GABRG3: variants seen among roughly 807,000 people sequenced by gnomAD.
GABRG3 encodes the protein gamma-aminobutyric acid receptor subunit gamma-3.
A neutral mutation model predicts 48.8 loss-of-function variants in GABRG3; 25 were observed. The ratio of observed to expected loss-of-function variants is 0.51; its 90% CI spans 0.37 to 0.72. GABRG3 has a LOEUF of 0.72. Ranked by LOEUF, GABRG3 falls within the 30% of genes least tolerant of loss-of-function variation. The pLI is 0.00. For synonymous variants in GABRG3, 227 were observed against 217.6 expected, an observed-to-expected ratio of 1.04 and a Z score of -0.38; for missense variants, 394 against 577.9, an observed-to-expected ratio of 0.68 and a Z score of 3.26.
At chr15:27,444,241 A>AT (rs1048629181) in intron 5 of GABRG3, among the ~76,000 whole-genome samples, 20 of 152,096 alleles carry the variant, frequency 1.3e-4, no homozygotes, top group Admixed American at 4.6e-4. Flanking sequence ...CTATGTAGTG[A>AT]TTTTTTTGTC....
intron 3 of GABRG3, among the ~76,000 whole-genome samples, chr15:27,096,370 T>G (rs1897265728): frequency 6.6e-6 from 1 of 152,220 alleles, no homozygotes; most frequent in South Asian, 2.1e-4. Context: ...TCATTGTTCC[T>G]CTGTTGTATT....
Position 27,447,564 on chromosome 15 carries a change from TGA to T in GABRG3, c.575-33081_575-33080del, listed in dbSNP as rs1430782661. ...TGAACTAGGCCAGAGATGACAGGGC[TGA>T]GAGATGGGGACAGATTTGACACAGA... is the stretch of plus-strand genomic sequence containing the variant. On this transcript the variant is annotated intron_variant, in intron 5 of 9. Coordinates refer to ENST00000615808, the MANE Select transcript of GABRG3 (RefSeq NM_033223.5). The surrounding 1 kb of genome is among the most constrained non-coding windows in gnomAD (Gnocchi z 4.0). Among the ~76,000 whole-genome samples the T allele has an allele frequency of 6.6e-6, 1 of 152,086 alleles. No individual in the cohort carries two copies. The highest frequency in any genetic ancestry group is 1.5e-5 in the Non-Finnish European group (1 of 68,018).
At chr15:27,129,087 T>C (rs77505855) in intron 3 of GABRG3, among the ~76,000 whole-genome samples, 1,621 of 152,304 alleles carry the variant, frequency 0.011, 28 homozygotes, top group African/African-American at 0.037. Flanking sequence ...AAATGTATCA[T>C]TTTGAGGGTA....
intron 5 of GABRG3, among the ~76,000 whole-genome samples, chr15:27,440,022 C>A (rs1888736196): frequency 6.6e-6 from 1 of 152,162 alleles, no homozygotes; most frequent in Admixed American, 6.5e-5. Context: ...CACTTTGTGA[C>A]TGAAGTGTCT....
chr15:27,520,125 G>A lies in GABRG3; in HGVS notation c.865+1G>A. On this transcript the variant is annotated splice_donor_variant, in intron 7 of 9. Transcript: ENST00000615808. LOFTEE classifies it high-confidence loss of function. ...GCTACGCCAGCAAGAACAGCATTAG[G>A]TGAGTTTCAAAAAATCTCTTCCACA... 6.3e-7 allele frequency: 1 copy of A among 1,590,434 alleles called. No individual in the cohort carries two copies. Among genetic ancestry groups the A allele is most frequent in the Non-Finnish European group, 8.5e-7 (1 of 1,170,840 alleles).
intron 3 of GABRG3, among the ~76,000 whole-genome samples, chr15:27,175,746 GC>G (rs2140413645): frequency 6.6e-6 from 1 of 152,312 alleles, no homozygotes; most frequent in East Asian, 1.9e-4. Context: ...GCAGATGCCT[GC>G]ATTCTTTTCC....
chr15:27,265,527 A>G (rs7495517), intron 3 of GABRG3, among the ~76,000 whole-genome samples: 74,312 of 152,110 alleles, frequency 0.49, 19,891 homozygotes, highest in Non-Finnish European at 0.61. Flanking sequence ...GGTGGAAGAC[A>G]ACCCAGGTTC....
chr15:27,330,086 A>G (rs1359308245), intron 5 of GABRG3, among the ~76,000 whole-genome samples: 1 of 152,060 alleles, frequency 6.6e-6, no homozygotes, highest in African/African-American at 2.4e-5. Flanking sequence ...CTAAAAATAC[A>G]AAAAATTAGC....
rs148937759 is a variant in GABRG3, at chr15:27,078,353, G to A, written c.270+51532G>A. Among the ~76,000 whole-genome samples, 16 of 152,260 alleles carry A rather than the reference G, an allele frequency of 1.1e-4. No individual in the cohort carries two copies. The East Asian group carries it at 1.7e-3, about 17-fold the overall frequency. On this transcript the variant is annotated intron_variant, in intron 3 of 9. Coordinates refer to ENST00000615808, the MANE Select transcript of GABRG3 (RefSeq NM_033223.5). ...TCTTTCTCGACATCCTTTTGGTTCC[G>A]TTTCTTTGGGGGACCCTAATATACC... is the stretch of plus-strand genomic sequence containing the variant.
chr15:27,429,806 C>T lies in GABRG3; in HGVS notation c.575-50844C>T, dbSNP rs116796129. Reference sequence around the variant, plus strand: ...ATGGATATACCACAATGTGATTAGCCATGGATCTATTCTGTGGCTGATGGA... The same window carrying T: ...ATGGATATACCACAATGTGATTAGCTATGGATCTATTCTGTGGCTGATGGA... On this transcript the variant is annotated intron_variant, in intron 5 of 9. Coordinates refer to ENST00000615808, the MANE Select transcript of GABRG3 (RefSeq NM_033223.5). 3.8e-3 allele frequency among the ~76,000 whole-genome samples: 571 copies of T among 152,240 alleles called. 8 individuals carry two copies. Among genetic ancestry groups the T allele is most frequent in the African/African-American group, 0.014 (564 of 41,528 alleles).
chr15:27,172,022 T>C (rs76505098), intron 3 of GABRG3, among the ~76,000 whole-genome samples: 1 of 146,200 alleles, frequency 6.8e-6, no homozygotes, highest in Non-Finnish European at 1.5e-5. Context: ...CCAAACTTAC[T>C]TTAATCAGGA....
intron 3 of GABRG3, among the ~76,000 whole-genome samples, chr15:27,239,028 A>C (rs1890059628): frequency 6.6e-6 from 1 of 152,234 alleles, no homozygotes; most frequent in Non-Finnish European, 1.5e-5. Flanking sequence ...GGAATGAAGC[A>C]TTACAATGGG....
chr15:27,419,829 T>C (rs1888056683), intron 5 of GABRG3, among the ~76,000 whole-genome samples: 1 of 152,210 alleles, frequency 6.6e-6, no homozygotes, highest in Non-Finnish European at 1.5e-5. Flanking sequence ...AATTGCAACA[T>C]ATCAAGTTGC....
chr15:27,237,666 G>A (rs1890015128), intron 3 of GABRG3, among the ~76,000 whole-genome samples: 1 of 152,224 alleles, frequency 6.6e-6, no homozygotes, highest in Non-Finnish European at 1.5e-5. Context: ...ATTTTCAAAA[G>A]AGAAGCAACA....
chr15:27,019,558 C>T (rs747094605), intron 2 of GABRG3, among the ~76,000 whole-genome samples: 1 of 152,172 alleles, frequency 6.6e-6, no homozygotes. Flanking sequence ...CTGCTTATGA[C>T]AGTGCCATGT....
rs1471435395 is a variant in GABRG3 at position 27,514,959 on chromosome 15, C to T, written c.713-5013C>T. Among the ~76,000 whole-genome samples, 3 of 152,136 alleles carry T rather than the reference C, an allele frequency of 2.0e-5. No individual in the cohort carries two copies. The South Asian group carries it at 6.2e-4, about 32-fold the overall frequency. On this transcript the variant is annotated intron_variant, in intron 6 of 9. Coordinates refer to ENST00000615808, the MANE Select transcript of GABRG3 (RefSeq NM_033223.5). Reference sequence around the variant, plus strand: ...GAAAAGCAAAACTTGTGTAAGGGAACTTAATGGTCCTGGGTTATTAAGGAA... The same window carrying T: ...GAAAAGCAAAACTTGTGTAAGGGAATTTAATGGTCCTGGGTTATTAAGGAA...
At chr15:27,201,503 A>G (rs1227901460) in intron 3 of GABRG3, among the ~76,000 whole-genome samples, 1 of 151,416 alleles carries the variant, frequency 6.6e-6, no homozygotes, top group South Asian at 2.1e-4. Context: ...AGGGGAGGGA[A>G]AGTGAGAGGG....
intron 3 of GABRG3, among the ~76,000 whole-genome samples, chr15:27,153,361 C>T (rs527659070): frequency 3.3e-5 from 5 of 152,090 alleles, no homozygotes; most frequent in East Asian, 1.9e-4. Context: ...ATGTGTGTAT[C>T]CCTCTGACAA....
intron 5 of GABRG3, chr15:27,363,141 C>T (rs539903145): frequency 6.6e-6 from 1 of 152,288 alleles, no homozygotes; most frequent in Admixed American, 6.5e-5. Context: ...TCAACATCCC[C>T]ACATTTCAGA....
Sources: allele counts gnomAD v4.1 joint callset (sites outside exome capture counted in the v4.1 genomes callset), GRCh38; gene constraint gnomAD v4.1.1; non-coding constraint Gnocchi (gnomAD v3.1); transcripts MANE v1.5; gene names NCBI Gene and HGNC (gene_info 2026-07-23, HGNC 2026-07-21).